Variants in RILPL1 observed in about 807,000 individuals in gnomAD.
The protein encoded by RILPL1 is Rab interacting lysosomal protein like 1, also known as RILP-like protein 1.
A neutral mutation model predicts 50.3 loss-of-function variants in RILPL1; 33 were observed. The observed-to-expected ratio is 0.66, with a 90% confidence interval of 0.50 to 0.88. The LOEUF (loss-of-function observed/expected upper bound fraction) is 0.88. RILPL1 is among the 40% of genes least tolerant of loss of function. RILPL1 has a pLI of 0.00. For missense variants in RILPL1, 418 were observed against 542.5 expected (o/e 0.77, Z 2.28); for synonymous variants, 205 against 228.6 (o/e 0.90, Z 0.93).
chr12:123,501,894 GGA>G (rs1233797617), intron 2 of RILPL1, among the ~76,000 whole-genome samples: 3 of 151,248 alleles, frequency 2.0e-5, no homozygotes, highest in African/African-American at 7.3e-5. Context: ...TGACCAACAT[GGA>G]GAAACCCCGT....
intron 2 of RILPL1, among the ~76,000 whole-genome samples, chr12:123,500,221 C>T (rs988987149): frequency 2.7e-5 from 4 of 149,850 alleles, no homozygotes; most frequent in African/African-American, 7.4e-5. Context: ...TGAGCCACCG[C>T]GCCCGGCCTC....
At chr12:123,519,075 G>GAA (rs1175576090) in intron 2 of RILPL1, among the ~76,000 whole-genome samples, 1 of 53,632 alleles carries the variant, frequency 1.9e-5, no homozygotes, top group African/African-American at 5.0e-5. Context: ...AAAAAAAAAA[G>GAA]AAAAGAAAAA....
chr12:123,516,033 C>CAAAAAAAAAAAAAAA (rs749657516), intron 2 of RILPL1, among the ~76,000 whole-genome samples: 476 of 36,196 alleles, frequency 0.013, 45 homozygotes, highest in Non-Finnish European at 0.02. Context: ...GACTCTGTCT[C>CAAAAAAAAAAAAAAA]AAAAAAAAAA....
At chr12:123,477,519 A>G (rs1420563223) in intron 6 of RILPL1, among the ~76,000 whole-genome samples, 1 of 151,686 alleles carries the variant, frequency 6.6e-6, no homozygotes, top group African/African-American at 2.4e-5. Flanking sequence ...TTGTATTTTT[A>G]GTAGAGACGG....
intron 6 of RILPL1, chr12:123,475,604 C>T (rs761907765): frequency 2.6e-4 from 300 of 1,143,328 alleles, no homozygotes; most frequent in Non-Finnish European, 3.5e-4. Flanking sequence ...CAGCAGTAGC[C>T]GAAGCAGACA....
rs532227222 is a variant in RILPL1, at chr12:123,491,267, C to T, written c.802-5462G>A. ...CTCCATGCGGGACCGGGAGGTGGCT[C>T]GGGTTAGCTGAGATAAGCTGGGGCC... On this transcript the variant is annotated intron_variant, in intron 4 of 6. Transcript: ENST00000376874. This position sits in a 1 kb window ranked among gnomAD's most constrained non-coding sequence, Gnocchi z 4.0. Among the ~76,000 whole-genome samples the T allele has an allele frequency of 2.0e-4, 31 of 152,134 alleles. No individual in the cohort carries two copies. Among genetic ancestry groups the T allele is most frequent in the East Asian group, 3.8e-4 (2 of 5,202 alleles).
intron 1 of RILPL1, among the ~76,000 whole-genome samples, chr12:123,530,702 T>C (rs561610955): frequency 3.9e-5 from 6 of 152,334 alleles, no homozygotes; most frequent in African/African-American, 1.4e-4. Context: ...GCCCAGCCAT[T>C]GCTTTCTAGA....
chr12:123,513,737 G>GT (rs1258632198), intron 2 of RILPL1: 1 of 152,276 alleles, frequency 6.6e-6, no homozygotes, highest in African/African-American at 2.4e-5. Context: ...AAAACTAAGA[G>GT]AAGGCCAAGT....
At position 123,485,517 on chromosome 12, in the gene RILPL1, A is replaced by T; in HGVS notation, c.974+116T>A. The T allele has an allele frequency of 1.0e-6, 1 of 999,634 alleles. No individual in the cohort carries two copies. The highest frequency in any genetic ancestry group is 1.6e-5 in the South Asian group (1 of 64,218). 61.9% of individuals were successfully genotyped at this position (999,634 alleles called of 1,614,324 possible). On this transcript the variant is annotated intron_variant, in intron 5 of 6. Transcript: ENST00000376874. The surrounding 1 kb of genome is among the most constrained non-coding windows in gnomAD (Gnocchi z 4.0). ...GTTCTTTAGGCCAGAGAGGGTACCC[A>T]AAAAAAACACTGATGAAATGCTTGT...
intron 2 of RILPL1, among the ~76,000 whole-genome samples, chr12:123,504,818 A>G (rs1290860062): frequency 6.6e-6 from 1 of 152,046 alleles, no homozygotes; most frequent in Admixed American, 6.6e-5. Flanking sequence ...ACTCAAGCCC[A>G]GGTTTTCTGA....
rs1306095916 is a variant in RILPL1, at chr12:123,484,391, C to G, written c.975-119G>C. ...TGCATGCTTTTTAGGGGACCCGCATCTGTATTTCCAGTTTATTCTGAAGAG... is the reference window on the plus strand; with the variant it reads ...TGCATGCTTTTTAGGGGACCCGCATGTGTATTTCCAGTTTATTCTGAAGAG... On this transcript the variant is annotated intron_variant, in intron 5 of 6. Transcript: ENST00000376874. The G allele has an allele frequency of 1.4e-5, 10 of 734,012 alleles. No homozygotes were observed. In the East Asian group the frequency reaches 2.4e-4, roughly 18 times the overall value. 45.5% of individuals were successfully genotyped at this position (734,012 alleles called of 1,614,324 possible).
intron 2 of RILPL1, among the ~76,000 whole-genome samples, chr12:123,502,080 CAAA>C (rs35609573): frequency 9.1e-5 from 9 of 98,510 alleles, no homozygotes; most frequent in South Asian, 3.5e-4. Flanking sequence ...AACTTCGTCT[CAAA>C]AAAAAAAAAA....
intron 2 of RILPL1, among the ~76,000 whole-genome samples, chr12:123,503,494 T>C (rs1883538976): frequency 6.6e-6 from 1 of 151,814 alleles, no homozygotes; most frequent in Admixed American, 6.6e-5. Context: ...TGAGCCACCG[T>C]GCCTGGCCCA....
At chr12:123,525,776 C>A (rs1052650317) in intron 1 of RILPL1, among the ~76,000 whole-genome samples, 4 of 150,990 alleles carry the variant, frequency 2.6e-5, no homozygotes, top group Admixed American at 6.6e-5. Flanking sequence ...ACCTCCAGGG[C>A]TCAAGCAATC....
Position 123,498,470 on chromosome 12 carries a change from G to C in RILPL1, c.801+74C>G. 7.3e-7 allele frequency: 1 copy of C among 1,368,104 alleles called. No homozygotes were observed. The highest frequency in any genetic ancestry group is 1.0e-6 in the Non-Finnish European group (1 of 971,342). 84.7% of individuals were successfully genotyped at this position (1,368,104 alleles called of 1,614,324 possible). A position where few individuals can be genotyped will look rare whatever the true frequency, so the allele number is the denominator to read the frequency against. On this transcript the variant is annotated intron_variant, in intron 4 of 6. Coordinates refer to ENST00000376874, the MANE Select transcript of RILPL1 (RefSeq NM_178314.5). This position sits in a 1 kb window ranked among gnomAD's most constrained non-coding sequence, Gnocchi z 4.3. ...TCTGAAGTATAATGGGGAAAACAAG[G>C]CAACCCTGCCTGCCTTAAGCCAACC...
At chr12:123,511,260 G>GTGTGTGTGTGGTGTGTGTGAGGTC (rs1884160787) in intron 2 of RILPL1, among the ~76,000 whole-genome samples, 1 of 141,666 alleles carries the variant, frequency 7.1e-6, no homozygotes. Context: ...TGTGAGGTCT[G>GTGTGTGTGTGGTGTGTGTGAGGTC]TGTGTGTGTG....
intron 6 of RILPL1, chr12:123,475,666 G>A (rs1262724730): frequency 1.3e-6 from 2 of 1,585,406 alleles, no homozygotes; most frequent in African/African-American, 1.3e-5. Context: ...TGCCTACAAG[G>A]GAAACAAGTC....
At chr12:123,475,875 C>G (rs1180533426) in intron 6 of RILPL1, 1 of 609,502 alleles carries the variant, frequency 1.6e-6, no homozygotes, top group Admixed American at 2.8e-5. Flanking sequence ...AATTGTGTCA[C>G]CTGCCTCTAA....
rs1882685568 is a variant in RILPL1 at position 123,491,491 on chromosome 12, G to A, written c.802-5686C>T. Among the ~76,000 whole-genome samples, 1 of 152,188 alleles carries A rather than the reference G, an allele frequency of 6.6e-6. No homozygotes were observed. Among genetic ancestry groups the A allele is most frequent in the Non-Finnish European group, 1.5e-5 (1 of 68,028 alleles). ...TAGGAATGCTCCTCACTGCCTGGGT[G>A]CCTCAAAGCACCCTGCCCTCCCACG... On this transcript the variant is annotated intron_variant, in intron 4 of 6. Transcript: ENST00000376874. This position sits in a 1 kb window ranked among gnomAD's most constrained non-coding sequence, Gnocchi z 4.0.
Sources: gnomAD v4.1 joint callset for allele counts (sites outside exome capture counted in the v4.1 genomes callset) on GRCh38, gnomAD v4.1.1 for gene constraint, Gnocchi (gnomAD v3.1) non-coding constraint, MANE v1.5 for transcripts, NCBI Gene and HGNC (gene_info 2026-07-23, HGNC 2026-07-21) for gene names.